The following AHCY variants were observed in gnomAD, a reference collection of about 807,000 sequenced individuals.
AHCY encodes the protein S-adenosyl-L-homocysteine hydrolase.
Under a neutral mutation model 45.4 loss-of-function variants are expected in AHCY, and 24 were observed. The ratio of observed to expected loss-of-function variants is 0.53; its 90% confidence interval spans 0.38 to 0.74. The LOEUF (loss-of-function observed/expected upper bound fraction) is 0.74. Ranked by LOEUF, AHCY falls within the 30% of genes least tolerant of loss-of-function variation. AHCY has a pLI of 0.00. For missense variants in AHCY, 449 were observed against 594.1 expected, an observed-to-expected ratio of 0.76 and a Z score of 2.54; for synonymous variants, 245 against 235.1, an observed-to-expected ratio of 1.04 and a Z score of -0.39.
At chr20:34,303,461 A>G (rs896291338), upstream of AHCY, 5 of 798,960 alleles carry the variant, frequency 6.3e-6, no homozygotes, top group Non-Finnish European at 4.1e-6. Context: ...GGGGATTTCG[A>G]TCCCTGAAAA....
chr20:34,300,480 G>A (rs1004765567), intron 1 of AHCY, among the ~76,000 whole-genome samples: 2 of 152,142 alleles, frequency 1.3e-5, no homozygotes, highest in Non-Finnish European at 2.9e-5. Flanking sequence ...CTTCCTGACT[G>A]ACTTCAGGCA....
intron 3 of AHCY, among the ~76,000 whole-genome samples, chr20:34,293,232 T>C (rs2036460277): frequency 6.6e-6 from 1 of 151,902 alleles, no homozygotes; most frequent in Admixed American, 6.6e-5. Flanking sequence ...AATTCCAGAA[T>C]AGACACCAGA....
the AHCY span, chr20:34,246,493 TG>T: frequency 7.3e-7 from 1 of 1,374,586 alleles, no homozygotes; most frequent in South Asian, 1.2e-5. Flanking sequence ...CACTGTTCCT[TG>T]GGTCTCCTTT....
the AHCY span, among the ~76,000 whole-genome samples, chr20:34,251,930 A>G: frequency 6.6e-6 from 1 of 152,194 alleles, no homozygotes; most frequent in Non-Finnish European, 1.5e-5. Context: ...TGAGAAATAA[A>G]TTTCCGTTGT....
At chr20:34,260,952 C>G in the AHCY span, among the ~76,000 whole-genome samples, 2 of 152,110 alleles carry the variant, frequency 1.3e-5, no homozygotes, top group African/African-American at 4.8e-5. Context: ...GGCACTGGAG[C>G]CTGGCATTGG....
At chr20:34,256,760 C>T in the AHCY span, among the ~76,000 whole-genome samples, 1 of 152,172 alleles carries the variant, frequency 6.6e-6, no homozygotes, top group Non-Finnish European at 1.5e-5. Context: ...CCTCTTGTAA[C>T]TTGCCTTAAT....
At chr20:34,300,296 G>C (rs1485617833) in intron 1 of AHCY, among the ~76,000 whole-genome samples, 3 of 152,178 alleles carry the variant, frequency 2.0e-5, no homozygotes, top group Non-Finnish European at 4.4e-5. Context: ...AGCCAGAAGA[G>C]GGAGGCTCTT....
chr20:34,295,561 C>A lies in AHCY; in HGVS notation c.53G>T (p.Gly18Val). The change falls in exon 2 of 10, where the codon GGA becomes GTA. Residue 18 changes from glycine (G) to valine (V), a missense_variant. Gly to Val is a moderately radical substitution (Grantham distance 109, BLOSUM62 -3). Coordinates refer to ENST00000217426, the MANE Select transcript of AHCY (RefSeq NM_000687.4). ...KVADIGLAAW[G>V]RKALDIAENE... ...CTCAGCAATGTCCAGGGCCTTGCGT[C>A]CCCAGGCAGCCAGGCCGATGTCGGC... The A allele has an allele frequency of 6.2e-7, 1 of 1,614,124 alleles. No individual in the cohort carries two copies. Among genetic ancestry groups the A allele is most frequent in the Non-Finnish European group, 8.5e-7 (1 of 1,180,012 alleles).
the AHCY span, among the ~76,000 whole-genome samples, chr20:34,235,820 A>G: frequency 1.6e-5 from 1 of 63,852 alleles, no homozygotes; most frequent in African/African-American, 1.7e-4. Context: ...AAAGAAAGAA[A>G]GAAAGAAAGA....
chr20:34,256,613 G>A, the AHCY span, among the ~76,000 whole-genome samples: 1 of 151,928 alleles, frequency 6.6e-6, no homozygotes, highest in Non-Finnish European at 1.5e-5. Flanking sequence ...TCTTTTTCTA[G>A]CTCAGATTTT....
chr20:34,269,360 G>A, the AHCY span: 1 of 708,240 alleles, frequency 1.4e-6, no homozygotes, highest in South Asian at 2.6e-5. Context: ...GTGTGCGGCT[G>A]TTTCTGTAAA....
intron 1 of AHCY, among the ~76,000 whole-genome samples, chr20:34,295,895 C>G (rs1250600932): frequency 6.6e-6 from 1 of 152,112 alleles, no homozygotes; most frequent in Non-Finnish European, 1.5e-5. Context: ...ACTACCCTGC[C>G]TTTCTGCTGA....
the AHCY span, among the ~76,000 whole-genome samples, chr20:34,268,637 G>T: frequency 6.6e-6 from 1 of 152,120 alleles, no homozygotes; most frequent in East Asian, 1.9e-4. Context: ...TTGGGAGGTT[G>T]AAGTGGCAGA....
At chr20:34,256,147 CCT>C in the AHCY span, among the ~76,000 whole-genome samples, 1 of 152,182 alleles carries the variant, frequency 6.6e-6, no homozygotes, top group Admixed American at 6.5e-5. Context: ...CATAAACTGT[CCT>C]CTCTCTCCGC....
chr20:34,258,269 G>A, the AHCY span, among the ~76,000 whole-genome samples: 1 of 151,612 alleles, frequency 6.6e-6, no homozygotes, highest in Non-Finnish European at 1.5e-5. Flanking sequence ...AGACGGAGTT[G>A]GCAAACTTTT....
At chr20:34,279,232 G>A (rs575918864), downstream of AHCY, among the ~76,000 whole-genome samples, 4 of 151,194 alleles carry the variant, frequency 2.6e-5, no homozygotes, top group East Asian at 7.8e-4. Flanking sequence ...GGCTAACATG[G>A]TGAAACCCCA....
At chr20:34,289,623 G>A (rs2036305266) in intron 8 of AHCY, among the ~76,000 whole-genome samples, 1 of 151,758 alleles carries the variant, frequency 6.6e-6, no homozygotes, top group Admixed American at 6.6e-5. Context: ...GATTACAGGT[G>A]CCCGCCACCA....
At chr20:34,273,574 T>C in the AHCY span, among the ~76,000 whole-genome samples, 1 of 152,110 alleles carries the variant, frequency 6.6e-6, no homozygotes, top group Non-Finnish European at 1.5e-5. Context: ...TCACCAGCCA[T>C]TGTTGAGAAA....
At chr20:34,283,409 G>A (rs2122720599) in intron 9 of AHCY, among the ~76,000 whole-genome samples, 1 of 152,278 alleles carries the variant, frequency 6.6e-6, no homozygotes, top group South Asian at 2.1e-4. Context: ...TGCAGTAGGT[G>A]ACTTAATAAA....
Sources: gnomAD v4.1 joint callset for allele counts (sites outside exome capture counted in the v4.1 genomes callset) on GRCh38, gnomAD v4.1.1 for gene constraint, MANE v1.5 for transcripts, NCBI Gene and HGNC (gene_info 2026-07-23, HGNC 2026-07-21) for gene names.